ANKRD31: variants seen among roughly 807,000 people sequenced by gnomAD.
ANKRD31 encodes the protein ankyrin repeat domain-containing protein 31.
Under a neutral mutation model 186.0 loss-of-function variants are expected in ANKRD31, and 147 were observed. The observed-to-expected ratio is 0.79, with a 90% CI of 0.69 to 0.91. The LOEUF (loss-of-function observed/expected upper bound fraction) is 0.91, where lower values mean the gene tolerates loss of function less well. Ranked by LOEUF, ANKRD31 falls within the 40% of genes least tolerant of loss-of-function variation. The pLI, the probability that ANKRD31 is intolerant of heterozygous loss-of-function variation, is 0.00. For missense variants in ANKRD31, 1,986 were observed against 2,148.8 expected, an observed-to-expected ratio of 0.92 and a Z score of 1.50; for synonymous variants, 673 against 736.4, an observed-to-expected ratio of 0.91 and a Z score of 1.39.
chr5:75,212,129 A>G (rs1008845878), intron 3 of ANKRD31, among the ~76,000 whole-genome samples: 1 of 152,092 alleles, frequency 6.6e-6, no homozygotes, highest in African/African-American at 2.4e-5. Flanking sequence ...TCTTTATCAT[A>G]ACTCCTTTCC....
intron 25 of ANKRD31, among the ~76,000 whole-genome samples, chr5:75,070,212 T>C (rs1417723576): frequency 2.0e-5 from 3 of 152,204 alleles, no homozygotes; most frequent in Non-Finnish European, 4.4e-5. Context: ...AGGTATCTCA[T>C]AAAAGTTAAG....
intron 23 of ANKRD31, 115 bp downstream of exon 23, chr5:75,091,146 G>A: frequency 8.4e-7 from 1 of 1,188,630 alleles, no homozygotes; most frequent in Non-Finnish European, 1.2e-6. Context: ...ATGAACACAT[G>A]AATACAAAAC....
chr5:75,183,609 G>C (rs1026641800), intron 10 of ANKRD31, among the ~76,000 whole-genome samples: 2 of 151,962 alleles, frequency 1.3e-5, no homozygotes, highest in Admixed American at 1.3e-4. Flanking sequence ...GTTTCTATAT[G>C]CTAAATAGTG....
At chr5:75,110,087 A>T (rs1222936989) in intron 20 of ANKRD31, among the ~76,000 whole-genome samples, 1 of 152,152 alleles carries the variant, frequency 6.6e-6, no homozygotes, top group Non-Finnish European at 1.5e-5. Context: ...GTAAGACAAA[A>T]ATAAAGGCAT....
At position 75,130,392 on chromosome 5, in the gene ANKRD31, G is replaced by C. The variant is rs560274240; in HGVS notation, c.3876+7464C>G. On this transcript the variant is annotated intron_variant, in intron 17 of 25. Coordinates refer to ENST00000506364, the MANE Select transcript of ANKRD31 (RefSeq NM_001372053.1). ...CAGTGGGTTGCTGTTGCTGGCTCTG[G>C]TGGCCTGCTTTTATTCCCTTATCTG... 2.0e-5 allele frequency among the ~76,000 whole-genome samples: 3 copies of C among 152,330 alleles called. No homozygotes were observed. In the South Asian group the frequency reaches 6.2e-4, roughly 32 times the overall value.
chr5:75,070,515 A>G (rs913557319), intron 25 of ANKRD31, among the ~76,000 whole-genome samples: 3 of 152,178 alleles, frequency 2.0e-5, no homozygotes, highest in Non-Finnish European at 4.4e-5. Flanking sequence ...GGGGTCTGTA[A>G]ACATTTTACA....
At chr5:75,087,879 G>A (rs1484951762) in intron 23 of ANKRD31, among the ~76,000 whole-genome samples, 3 of 152,100 alleles carry the variant, frequency 2.0e-5, no homozygotes, top group African/African-American at 7.2e-5. Flanking sequence ...CACCTTCATG[G>A]TACCAACCTC....
intron 25 of ANKRD31, among the ~76,000 whole-genome samples, chr5:75,070,432 T>G (rs2149993860): frequency 6.6e-6 from 1 of 152,354 alleles, no homozygotes; most frequent in Admixed American, 6.5e-5. Flanking sequence ...AATTTATTCC[T>G]CACTTTTCAC....
Position 75,192,672 on chromosome 5 carries a change from T to G in ANKRD31, c.1403A>C (p.Lys468Thr). 1 of 1,527,034 alleles carries G rather than the reference T, an allele frequency of 6.5e-7. No homozygotes were observed. 94.6% of individuals were successfully genotyped at this position (1,527,034 alleles called of 1,614,324 possible). The change falls in exon 9 of 26, where the codon AAA becomes ACA. Residue 468 changes from lysine (K) to threonine (T), a missense_variant. Transcript: ENST00000506364. ...ATACTCAAAATATGCATCACCTTTT[T>G]TTCCTGAAAATTGTTCATTTTTCCT... The part of the protein sequence containing the change: ...QIRKNEQFSG[K>T]KEKMKVNKIS...
At chr5:75,207,554 C>A (rs1432900910) in intron 4 of ANKRD31, among the ~76,000 whole-genome samples, 2 of 151,898 alleles carry the variant, frequency 1.3e-5, no homozygotes, top group Non-Finnish European at 2.9e-5. Context: ...GTCAGTAATA[C>A]AATAAGGTAT....
chr5:75,150,449 C>A (rs1751764848), intron 12 of ANKRD31, among the ~76,000 whole-genome samples: 1 of 151,844 alleles, frequency 6.6e-6, no homozygotes, highest in African/African-American at 2.4e-5. Context: ...ACTTAAGTAA[C>A]CTAATTTTGC....
intron 17 of ANKRD31, among the ~76,000 whole-genome samples, chr5:75,129,357 C>G (rs1442768401): frequency 6.6e-6 from 1 of 152,150 alleles, no homozygotes; most frequent in Non-Finnish European, 1.5e-5. Flanking sequence ...CAAGAACAAA[C>G]TAATACAGCT....
At chr5:75,079,194 T>C (rs1744893900) in intron 25 of ANKRD31, among the ~76,000 whole-genome samples, 1 of 152,188 alleles carries the variant, frequency 6.6e-6, no homozygotes, top group South Asian at 2.1e-4. Context: ...CTGAAGAAAG[T>C]TGTAAGATGG....
chr5:75,198,292 T>C (rs970718720), intron 6 of ANKRD31, among the ~76,000 whole-genome samples: 2 of 152,082 alleles, frequency 1.3e-5, no homozygotes, highest in South Asian at 2.1e-4. Flanking sequence ...CAATAAAGCC[T>C]TTTTTTCCCT....
rs141337364 is a variant in ANKRD31 at position 75,101,814 on chromosome 5, G to C, written c.5331+2414C>G. Among the ~76,000 whole-genome samples the C allele has an allele frequency of 1.8e-3, 267 of 152,262 alleles. 2 individuals are homozygous for C. The highest frequency in any genetic ancestry group is 5.8e-3 in the African/African-American group (239 of 41,544). On this transcript the variant is annotated intron_variant, in intron 22 of 25. Coordinates refer to ENST00000506364, the MANE Select transcript of ANKRD31 (RefSeq NM_001372053.1). ...GGTCTTCTCCACACTGTTTATTCTA[G>C]TTAGCCATTTGTCTAATCTTCTTTC...
At position 75,193,383 on chromosome 5, in the gene ANKRD31, G is replaced by A. The variant is rs374271200; in HGVS notation, c.1226C>T (p.Pro409Leu). 9 of 1,536,812 alleles carry A rather than the reference G, an allele frequency of 5.9e-6. No homozygotes were observed. The highest frequency in any genetic ancestry group is 2.0e-5 in the Admixed American group (1 of 50,934). ...AAGGATTTTTGGTAAAATCTTTTCT[G>A]GCATCTTATACATGTGATCTGAGTA... ...AKYSDHMYKM[P>L]EKILPKILGC... Residue 409 changes from proline (P) to leucine (L), a missense_variant, in exon 8 of 26, where the codon CCA becomes CTA. Pro to Leu is a moderately conservative substitution (Grantham distance 98). Coordinates refer to ENST00000506364, the MANE Select transcript of ANKRD31 (RefSeq NM_001372053.1).
Position 75,118,257 on chromosome 5 carries a change from T to C in ANKRD31, c.3917A>G (p.Gln1306Arg). The change falls in exon 18 of 26, where the codon CAA (glutamine) becomes CGA (arginine). Residue 1306 changes from glutamine (Q) to arginine (R), a missense_variant. Physicochemically the swap from Gln to Arg is conservative, Grantham distance 43 (BLOSUM62 1). Coordinates refer to ENST00000506364, the MANE Select transcript of ANKRD31 (RefSeq NM_001372053.1). ...AGCACTCTTCTGTTTTTGATCTTTT[T>C]GATTAGGGTTTGCTCCATTTTGTAG... ...ILLQNGANPN[Q>R]KDQKQKSALD... 1 of 1,518,444 alleles carries C rather than the reference T, an allele frequency of 6.6e-7. No homozygotes were observed. Among genetic ancestry groups the C allele is most frequent in the Non-Finnish European group, 8.8e-7 (1 of 1,142,160 alleles). The allele number at this position is 1,518,444 out of a possible 1,614,324, so 94.1% of individuals were successfully genotyped here. A position where few individuals can be genotyped will look rare whatever the true frequency, so the allele number is the denominator to read the frequency against.
intron 11 of ANKRD31, among the ~76,000 whole-genome samples, chr5:75,166,878 C>T (rs945295631): frequency 6.6e-6 from 1 of 152,152 alleles, no homozygotes; most frequent in Admixed American, 6.5e-5. Flanking sequence ...TTCTCAAATT[C>T]TAACTTTTCC....
chr5:75,206,462 T>A lies in ANKRD31; in HGVS notation c.352A>T (p.Ile118Phe). The A allele has an allele frequency of 6.8e-7, 1 of 1,460,090 alleles. No homozygotes were observed. The allele number at this position is 1,460,090 out of a possible 1,614,324, so 90.4% of individuals were successfully genotyped here. The change falls in exon 5 of 26, where the codon ATT becomes TTT. Residue 118 changes from isoleucine to phenylalanine, a missense_variant. Coordinates refer to ENST00000506364, the MANE Select transcript of ANKRD31 (RefSeq NM_001372053.1). ...AGTCCAGACTGGCGAAACGACCCAATGAACATTGAACAGTTTTTTCTAGTC... is the reference window on the plus strand; with the variant it reads ...AGTCCAGACTGGCGAAACGACCCAAAGAACATTGAACAGTTTTTTCTAGTC... ...LQTRKNCSMFIGSFRQSGLSL... is the reference protein window; with the variant it reads ...LQTRKNCSMFFGSFRQSGLSL...
Sources: gnomAD v4.1 joint callset for allele counts (sites outside exome capture counted in the v4.1 genomes callset) on GRCh38, gnomAD v4.1.1 for gene constraint, MANE v1.5 for transcripts, NCBI Gene and HGNC (gene_info 2026-07-23, HGNC 2026-07-21) for gene names.